The following GASK1B variants were observed in gnomAD, a reference collection of about 807,000 sequenced individuals.
The protein encoded by GASK1B is golgi associated kinase 1B, also known as Golgi-associated kinase 1B.
GASK1B carries 34 observed loss-of-function variants against 42.8 expected under a neutral mutation model. The ratio of observed to expected loss-of-function variants is 0.79; its 90% CI spans 0.60 to 1.06. The LOEUF is 1.06. Among genes scored for constraint, GASK1B ranks in the 50% least tolerant of loss-of-function variants. The probability of loss-of-function intolerance (pLI) is 0.00; values close to 1 mark genes in which losing one functional copy is unlikely to be tolerated. For synonymous variants in GASK1B, 262 were observed against 259.1 expected, an observed-to-expected ratio of 1.01 and a Z score of -0.11; for missense variants, 686 against 661.0, an observed-to-expected ratio of 1.04 and a Z score of -0.42.
intron 2 of GASK1B, among the ~76,000 whole-genome samples, chr4:158,164,829 C>T (rs1293406508): frequency 6.6e-6 from 1 of 152,218 alleles, no homozygotes; most frequent in African/African-American, 2.4e-5. Flanking sequence ...GGCAACTGCA[C>T]TTTCACCCAG....
chr4:158,141,384 T>C (rs7686997), intron 3 of GASK1B, among the ~76,000 whole-genome samples: 139,974 of 151,228 alleles, frequency 0.93, 65,056 homozygotes, highest in East Asian at 0.98. Flanking sequence ...GAAGTACCTT[T>C]TGGTTATTGA....
chr4:158,156,866 T>C (rs1384021034), intron 2 of GASK1B, among the ~76,000 whole-genome samples: 1 of 152,172 alleles, frequency 6.6e-6, no homozygotes, highest in African/African-American at 2.4e-5. Flanking sequence ...ACAACCAGAA[T>C]GTTCAGACTT....
chr4:158,142,428 A>G (rs973246385), intron 3 of GASK1B, among the ~76,000 whole-genome samples: 2 of 152,206 alleles, frequency 1.3e-5, no homozygotes, highest in African/African-American at 4.8e-5. Context: ...ATGAGGAACC[A>G]GTGGCAGACA....
chr4:158,169,426 A>G (rs1212359231), intron 2 of GASK1B: 1 of 152,236 alleles, frequency 6.6e-6, no homozygotes, highest in African/African-American at 2.4e-5. Flanking sequence ...AAATGAAATT[A>G]TAATGCTAAA....
chr4:158,130,705 T>G, intron 4 of GASK1B, 81 bp downstream of exon 4: 1 of 1,021,082 alleles, frequency 9.8e-7, no homozygotes, highest in Non-Finnish European at 1.5e-6. Flanking sequence ...AATGATCAGA[T>G]GTAAGATGTG....
chr4:158,141,993 G>C (rs1231923223), intron 3 of GASK1B, among the ~76,000 whole-genome samples: 1 of 106,404 alleles, frequency 9.4e-6, no homozygotes. Flanking sequence ...GCCGGACTGC[G>C]GACTGCAGTG....
At chr4:158,150,205 G>GT (rs1323505189) in intron 3 of GASK1B, among the ~76,000 whole-genome samples, 8 of 152,090 alleles carry the variant, frequency 5.3e-5, no homozygotes, top group Admixed American at 1.3e-4. Flanking sequence ...GATTACAGGC[G>GT]TAAGCCACCG....
At chr4:158,152,658 T>C (rs1731602775) in intron 3 of GASK1B, among the ~76,000 whole-genome samples, 1 of 152,130 alleles carries the variant, frequency 6.6e-6, no homozygotes, top group African/African-American at 2.4e-5. Context: ...CATGATCAAG[T>C]GGTTTCATAC....
chr4:158,165,286 A>G (rs903564175), intron 2 of GASK1B, among the ~76,000 whole-genome samples: 1 of 152,202 alleles, frequency 6.6e-6, no homozygotes, highest in African/African-American at 2.4e-5. Context: ...TGATTTTTAC[A>G]TGGACATAGT....
At chr4:158,160,844 A>G (rs1243601101) in intron 2 of GASK1B, among the ~76,000 whole-genome samples, 1 of 152,190 alleles carries the variant, frequency 6.6e-6, no homozygotes, top group African/African-American at 2.4e-5. Flanking sequence ...ATTTTAAGCA[A>G]AATAATACAG....
At position 158,171,312 on chromosome 4, in the gene GASK1B, G is replaced by A; in HGVS notation, c.64C>T (p.Arg22Trp). The A allele has an allele frequency of 6.2e-7, 1 of 1,612,856 alleles. No homozygotes were observed. Among genetic ancestry groups the A allele is most frequent in the Non-Finnish European group, 8.5e-7 (1 of 1,179,444 alleles). The change falls in exon 2 of 5, where the codon CGG (arginine) becomes TGG (tryptophan). Residue 22 changes from arginine to tryptophan, a missense_variant. Arg to Trp is a moderately radical substitution (Grantham distance 101). Transcript: ENST00000585682. ...NWFICSLCVP[R>W]VRKLWSSRRP... ...CGGCTGCTCCAGAGCTTACGCACCC[G>A]CGGGACGCACAGGGAGCAGATGAAC...
intron 4 of GASK1B, among the ~76,000 whole-genome samples, chr4:158,129,236 T>C (rs1730578103): frequency 1.3e-5 from 2 of 152,204 alleles, no homozygotes; most frequent in Non-Finnish European, 2.9e-5. Context: ...TTTACATGAA[T>C]GTATGAAATG....
In GASK1B at chr4:158,146,391, T is replaced by G. The variant is rs191149297; in HGVS notation, c.1125+9220A>C. 1.8e-4 allele frequency among the ~76,000 whole-genome samples: 27 copies of G among 152,144 alleles called. No individual in the cohort carries two copies. The East Asian group carries it at 5.0e-3, about 28-fold the overall frequency. ...TTAATAAATAAAAATAATGATAAAA[T>G]AATATAGTTTATTTAATTCTTACTT... On this transcript the variant is annotated intron_variant, in intron 3 of 4. Transcript: ENST00000585682.
At chr4:158,148,721 C>G (rs1731426773) in intron 3 of GASK1B, among the ~76,000 whole-genome samples, 1 of 152,244 alleles carries the variant, frequency 6.6e-6, no homozygotes, top group East Asian at 1.9e-4. Flanking sequence ...CCTCCCACCC[C>G]AGGCAGAGGG....
intron 3 of GASK1B, among the ~76,000 whole-genome samples, chr4:158,147,229 C>T (rs914175372): frequency 6.6e-6 from 1 of 152,062 alleles, no homozygotes; most frequent in African/African-American, 2.4e-5. Context: ...TTTACTATGG[C>T]ATTCACGAAA....
chr4:158,135,732 A>G lies in GASK1B; in HGVS notation c.1126-4720T>C, dbSNP rs1026625509. ...GCGCATTTGTGTAGAACGTTAAATG[A>G]TACTGAATTTAAAATATTAGTTATA... On this transcript the variant is annotated intron_variant, in intron 3 of 4. Coordinates refer to ENST00000585682, the MANE Select transcript of GASK1B (RefSeq NM_001128424.2). Among the ~76,000 whole-genome samples, 12 of 152,094 alleles carry G rather than the reference A, an allele frequency of 7.9e-5. No homozygotes were observed. The East Asian group carries it at 2.3e-3, about 29-fold the overall frequency.
intron 4 of GASK1B, among the ~76,000 whole-genome samples, chr4:158,129,231 A>T (rs1462655507): frequency 6.6e-6 from 1 of 152,232 alleles, no homozygotes; most frequent in African/African-American, 2.4e-5. Flanking sequence ...TCACATTTAC[A>T]TGAATGTATG....
At chr4:158,128,410 T>C (rs1415456591) in intron 4 of GASK1B, among the ~76,000 whole-genome samples, 1 of 152,158 alleles carries the variant, frequency 6.6e-6, no homozygotes, top group Admixed American at 6.5e-5. Context: ...GTCCAGCATA[T>C]ACATTATCTG....
At chr4:158,166,489 A>G (rs774336090) in intron 2 of GASK1B, among the ~76,000 whole-genome samples, 2 of 152,166 alleles carry the variant, frequency 1.3e-5, no homozygotes, top group Non-Finnish European at 2.9e-5. Flanking sequence ...TCCTTCTTAC[A>G]CCTCCCTTTT....
Sources: gnomAD v4.1 joint callset for allele counts (sites outside exome capture counted in the v4.1 genomes callset) on GRCh38, gnomAD v4.1.1 for gene constraint, MANE v1.5 for transcripts, NCBI Gene and HGNC (gene_info 2026-07-23, HGNC 2026-07-21) for gene names.